Variants in TBC1D12 observed in about 807,000 individuals in gnomAD.
TBC1D12 encodes TBC1 domain family member 12, also known as TBC1 domain family, member 12.
Under a neutral mutation model 86.7 loss-of-function variants are expected in TBC1D12, and 56 were observed. The observed-to-expected ratio is 0.65, with a 90% CI of 0.52 to 0.81. TBC1D12 has a LOEUF of 0.81. Among genes scored for constraint, TBC1D12 ranks in the 30% least tolerant of loss-of-function variants. TBC1D12 has a pLI of 0.00. For missense variants in TBC1D12, 1,023 were observed against 1,038.8 expected, an observed-to-expected ratio of 0.98 and a Z score of 0.21; for synonymous variants, 421 against 411.7, an observed-to-expected ratio of 1.02 and a Z score of -0.27.
At chr10:94,425,957 ACTTT>A (rs1424902617) in intron 1 of TBC1D12, among the ~76,000 whole-genome samples, 6 of 152,128 alleles carry the variant, frequency 3.9e-5, no homozygotes, top group African/African-American at 1.4e-4. Flanking sequence ...TAAAAATTTC[ACTTT>A]CTAACTATTC....
At chr10:94,520,875 G>A (rs887573468) in intron 9 of TBC1D12, among the ~76,000 whole-genome samples, 1 of 152,058 alleles carries the variant, frequency 6.6e-6, no homozygotes, top group African/African-American at 2.4e-5. Flanking sequence ...TAGCCAGGCT[G>A]GTCTTGAACT....
intron 3 of TBC1D12, among the ~76,000 whole-genome samples, chr10:94,476,403 T>A (rs2055989336): frequency 6.6e-6 from 1 of 152,064 alleles, no homozygotes. Context: ...TTTCATTGTT[T>A]AAAAAAAGCG....
At chr10:94,441,248 C>T (rs1218755394) in intron 1 of TBC1D12, among the ~76,000 whole-genome samples, 3 of 151,134 alleles carry the variant, frequency 2.0e-5, no homozygotes, top group Non-Finnish European at 4.4e-5. Context: ...ACATAGCTGG[C>T]CTAGGAAAGA....
intron 1 of TBC1D12, among the ~76,000 whole-genome samples, chr10:94,428,927 A>G (rs1474561455): frequency 6.7e-6 from 1 of 149,962 alleles, no homozygotes; most frequent in African/African-American, 2.5e-5. Context: ...CTGGTCTTGA[A>G]CTCCTAGATG....
At chr10:94,449,917 G>A (rs2055524611) in intron 2 of TBC1D12, among the ~76,000 whole-genome samples, 1 of 152,036 alleles carries the variant, frequency 6.6e-6, no homozygotes, top group South Asian at 2.1e-4. Flanking sequence ...TTCCATCCTG[G>A]TACACTTCTT....
At chr10:94,515,987 A>G (rs928479472) in intron 9 of TBC1D12, among the ~76,000 whole-genome samples, 3 of 152,120 alleles carry the variant, frequency 2.0e-5, no homozygotes, top group Non-Finnish European at 2.9e-5. Context: ...AGATTTTACC[A>G]CCCTATTTAG....
intron 3 of TBC1D12, among the ~76,000 whole-genome samples, chr10:94,488,327 G>T (rs980365829): frequency 6.6e-5 from 10 of 150,742 alleles, no homozygotes; most frequent in Middle Eastern, 3.2e-3. Flanking sequence ...GGCGGAGGCT[G>T]CAGTGAGCTG....
chr10:94,531,513 T>C (rs1209449046), intron 12 of TBC1D12, 53 bp downstream of exon 12: 2 of 1,488,384 alleles, frequency 1.3e-6, no homozygotes, highest in Non-Finnish European at 1.8e-6. Flanking sequence ...GTTGACTTAT[T>C]GTAAAAAAGT....
At chr10:94,474,634 G>C (rs1046668820) in intron 2 of TBC1D12, 34 bp from the exon 3 acceptor site, 3 of 1,517,340 alleles carry the variant, frequency 2.0e-6, no homozygotes, top group Non-Finnish European at 2.7e-6. Context: ...TGTTGGAGCA[G>C]TTTCTGCATA....
At chr10:94,406,610 GTGT>G (rs1204206420) in intron 1 of TBC1D12, among the ~76,000 whole-genome samples, 38 of 152,230 alleles carry the variant, frequency 2.5e-4, no homozygotes, top group Non-Finnish European at 4.6e-4. Flanking sequence ...TAGCTAGGTA[GTGT>G]AATTTTGAGC....
Position 94,474,666 on chromosome 10 carries a change from A to G in TBC1D12, c.1096-2A>G. 6.2e-7 allele frequency: 1 copy of G among 1,612,212 alleles called. No homozygotes were observed. ...CATAAGGTATGTTTTAATTTACTCT[A>G]GGAATATGAAGCACGAACGGGGAGG... On this transcript the variant is annotated splice_acceptor_variant, in intron 2 of 12. Coordinates refer to ENST00000225235, the MANE Select transcript of TBC1D12 (RefSeq NM_015188.2). LOFTEE classifies it high-confidence loss of function.
At chr10:94,477,159 T>A (rs1362271470) in intron 3 of TBC1D12, among the ~76,000 whole-genome samples, 1 of 152,212 alleles carries the variant, frequency 6.6e-6, no homozygotes, top group Non-Finnish European at 1.5e-5. Context: ...TAGCTTTTAT[T>A]CTGTTTCTGT....
chr10:94,456,540 A>G (rs1449174198), intron 2 of TBC1D12, among the ~76,000 whole-genome samples: 1 of 152,140 alleles, frequency 6.6e-6, no homozygotes, highest in Admixed American at 6.6e-5. Flanking sequence ...CAGACATTTT[A>G]TGATTTCTGT....
chr10:94,508,303 T>A (rs2056485895), intron 7 of TBC1D12: 1 of 151,948 alleles, frequency 6.6e-6, no homozygotes, highest in Non-Finnish European at 1.5e-5. Context: ...GAAAAAAATT[T>A]TAATTCATCA....
intron 2 of TBC1D12, 73 bp from the exon 3 acceptor site, chr10:94,474,595 T>A: frequency 9.5e-7 from 1 of 1,053,906 alleles, no homozygotes; most frequent in East Asian, 2.4e-5. Context: ...ATAATATTTT[T>A]AATGATACAG....
At chr10:94,476,043 A>C (rs1419237100) in intron 3 of TBC1D12, among the ~76,000 whole-genome samples, 17 of 151,948 alleles carry the variant, frequency 1.1e-4, no homozygotes, top group Non-Finnish European at 1.5e-5. Context: ...GGCCTCAGAC[A>C]ATCCTGCCAC....
At chr10:94,467,936 A>G (rs1163645547) in intron 2 of TBC1D12, among the ~76,000 whole-genome samples, 1 of 152,258 alleles carries the variant, frequency 6.6e-6, no homozygotes, top group African/African-American at 2.4e-5. Flanking sequence ...ATGTCAATGC[A>G]GTGACAAACT....
intron 2 of TBC1D12, among the ~76,000 whole-genome samples, chr10:94,473,083 G>A (rs375030108): frequency 1.3e-5 from 2 of 152,038 alleles, no homozygotes; most frequent in African/African-American, 2.4e-5. Flanking sequence ...GGCCGGGCAC[G>A]GTGGCTCACG....
At chr10:94,496,605 AG>A (rs2056324582) in intron 4 of TBC1D12, among the ~76,000 whole-genome samples, 2 of 152,202 alleles carry the variant, frequency 1.3e-5, no homozygotes, top group Non-Finnish European at 2.9e-5. Context: ...TCATAGATTT[AG>A]TGTAAATAGA....
Sources: gnomAD v4.1 joint callset for allele counts (sites outside exome capture counted in the v4.1 genomes callset) on GRCh38, gnomAD v4.1.1 for gene constraint, MANE v1.5 for transcripts, NCBI Gene and HGNC (gene_info 2026-07-23, HGNC 2026-07-21) for gene names.